The following MUC4 variants were observed in gnomAD, a reference collection of about 807,000 sequenced individuals.
MUC4 encodes the protein mucin-4.
In MUC4, 202 loss-of-function variants were observed where a neutral mutation model predicts 257.9. That is an observed-to-expected ratio of 0.78 (90% CI 0.70 to 0.88). The LOEUF is 0.88. Among genes scored for constraint, MUC4 ranks in the 40% least tolerant of loss-of-function variants. The pLI, the probability that MUC4 is intolerant of heterozygous loss-of-function variation, is 0.00. For missense variants in MUC4, 5,976 were observed against 6,513.7 expected (o/e 0.92, Z 2.84); for synonymous variants, 2,351 against 2,757.1 (o/e 0.85, Z 4.62).
chr3:195,763,956 C>T, intron 11 of MUC4, 89 bp downstream of exon 11: 1 of 1,475,214 alleles, frequency 6.8e-7, no homozygotes, highest in Non-Finnish European at 9.0e-7. Flanking sequence ...ACAGCTCTGC[C>T]CCTACTCCTT....
At chr3:195,766,559 G>T in intron 8 of MUC4, 104 bp downstream of exon 8, 1 of 1,005,186 alleles carries the variant, frequency 9.9e-7, no homozygotes, top group Non-Finnish European at 1.5e-6. Context: ...CTTCAGGATG[G>T]CCGTGATGTT....
At chr3:195,770,980 C>A (rs1410686285) in intron 5 of MUC4, 8 of 408,724 alleles carry the variant, frequency 2.0e-5, no homozygotes, top group Non-Finnish European at 4.0e-5. Flanking sequence ...TGGTCAGTCT[C>A]GCGGCCGGGT....
rs567011116 is a variant in MUC4, at chr3:195,764,977, G to A, written c.13924+20C>T. On this transcript the variant is annotated intron_variant, in intron 10 of 24. Transcript: ENST00000463781. ...CCTACTTGGCCGGGAAGGTGGGGTT[G>A]AGATCACGGACTCACGCACCCAACT... The A allele has an allele frequency of 2.4e-5, 38 of 1,611,300 alleles. No homozygotes were observed. The Middle Eastern group carries it at 8.2e-4, about 35-fold the overall frequency.
Position 195,753,037 on chromosome 3 carries a change from G to A in MUC4, c.15508+14C>T. 2 of 1,607,692 alleles carry A rather than the reference G, an allele frequency of 1.2e-6. No homozygotes were observed. The highest frequency in any genetic ancestry group is 1.1e-5 in the South Asian group (1 of 90,618). ...AAGAGTGCGGGGGTGAGAGGGCGGG[G>A]TCTCTGGCGGTACCTAGGTTGACAG... On this transcript the variant is annotated intron_variant, in intron 20 of 24. Coordinates refer to ENST00000463781, the MANE Select transcript of MUC4 (RefSeq NM_018406.7).
At chr3:195,803,449 G>A (rs1735601353) in intron 1 of MUC4, among the ~76,000 whole-genome samples, 1 of 152,244 alleles carries the variant, frequency 6.6e-6, no homozygotes, top group African/African-American at 2.4e-5. Context: ...TAAACTCTCT[G>A]CAAGCAGCGA....
intron 8 of MUC4, among the ~76,000 whole-genome samples, chr3:195,765,774 G>A (rs996903410): frequency 3.9e-5 from 6 of 152,208 alleles, no homozygotes; most frequent in Non-Finnish European, 7.3e-5. Flanking sequence ...GGGGCCTCTG[G>A]ACTGAGTCAT....
At chr3:195,775,079 G>C (rs1203267496) in intron 3 of MUC4, among the ~76,000 whole-genome samples, 1 of 151,936 alleles carries the variant, frequency 6.6e-6, no homozygotes, top group African/African-American at 2.4e-5. Flanking sequence ...GAGAAACCTT[G>C]TCCCAAATAT....
At chr3:195,762,734 C>T (rs1231395237) in intron 13 of MUC4, 121 bp downstream of exon 13, 1 of 919,310 alleles carries the variant, frequency 1.1e-6, no homozygotes, top group Non-Finnish European at 1.5e-6. Flanking sequence ...GCGCCCGGCC[C>T]TGCACCACAA....
At chr3:195,801,740 A>G (rs973711478) in intron 1 of MUC4, among the ~76,000 whole-genome samples, 6 of 152,104 alleles carry the variant, frequency 3.9e-5, no homozygotes, top group African/African-American at 7.2e-5. Context: ...GATTTTCTCC[A>G]GTCCTCACGC....
In MUC4 at chr3:195,769,573, C is replaced by T. The variant is rs531234973; in HGVS notation, c.13399-421G>A. 6.7e-4 allele frequency: 121 copies of T among 180,178 alleles called. 1 individual carries two copies. The highest frequency in any genetic ancestry group is 2.7e-3 in the African/African-American group (118 of 42,930). 11.2% of individuals were successfully genotyped at this position (180,178 alleles called of 1,614,324 possible). A position where few individuals can be genotyped will look rare whatever the true frequency, so the allele number is the denominator to read the frequency against. ...CTCCATCTAAACAGCATGGATGACA[C>T]TGGGGTTCACTGAAGGCGCACACGT... On this transcript the variant is annotated intron_variant, in intron 6 of 24. Transcript: ENST00000463781.
chr3:195,761,803 C>CG (rs946767097), intron 14 of MUC4, among the ~76,000 whole-genome samples: 5 of 152,036 alleles, frequency 3.3e-5, no homozygotes, highest in African/African-American at 1.2e-4. Context: ...TGGAGGAGGG[C>CG]GGGAGGATGT....
At position 195,780,487 on chromosome 3, in the gene MUC4, G is replaced by C. The variant is rs1204858271; in HGVS notation, c.11093C>G (p.Pro3698Arg). ...GGATGATGAGGAAGGGATGGTGACA[G>C]GAAGAGGGGTGGCCTGACCTGTGGA... ...SASTGQATPL[P>R]VTIPSSSSSG... is the part of the protein sequence containing the mutation. The change falls in exon 2 of 25, where the codon CCT (proline) becomes CGT (arginine). Residue 3698 changes from proline (P) to arginine (R), a missense_variant. Around this residue, in one of 44 missense-constraint regions of MUC4, gnomAD observed 330 missense variants for 262.0 expected, o/e 1.26. Coordinates refer to ENST00000463781, the MANE Select transcript of MUC4 (RefSeq NM_018406.7). 2.8e-6 allele frequency: 4 copies of C among 1,430,832 alleles called. No individual in the cohort carries two copies. Among genetic ancestry groups the C allele is most frequent in the Non-Finnish European group, 2.8e-6 (3 of 1,086,382 alleles). 88.6% of individuals were successfully genotyped at this position (1,430,832 alleles called of 1,614,324 possible).
At position 195,784,927 on chromosome 3, in the gene MUC4, G is replaced by T. The variant is rs773538845; in HGVS notation, c.6653C>A (p.Ser2218Tyr). The T allele has an allele frequency of 7.0e-7, 1 of 1,435,546 alleles. No homozygotes were observed. Among genetic ancestry groups the T allele is most frequent in the Non-Finnish European group, 9.5e-7 (1 of 1,053,714 alleles). The allele number at this position is 1,435,546 out of a possible 1,614,324, so 88.9% of individuals were successfully genotyped here. ...AAGAAGAGGGATGGCGTGACCTGTGGATGCTGAGGAAGGGCTGGTGACAGG... is the reference window on the plus strand; with the variant it reads ...AAGAAGAGGGATGGCGTGACCTGTGTATGCTGAGGAAGGGCTGGTGACAGG... The part of the protein sequence containing the change: ...PLPVTSPSSA[S>Y]TGHAIPLLVT... Residue 2218 changes from serine to tyrosine, a missense_variant, in exon 2 of 25, where the codon TCC becomes TAC. Physicochemically the swap from Ser to Tyr is moderately radical, Grantham distance 144. This residue lies in a region of MUC4 where 85 missense variants were observed against 325.0 expected (regional missense o/e 0.26). Coordinates refer to ENST00000463781, the MANE Select transcript of MUC4 (RefSeq NM_018406.7).
Position 195,751,086 on chromosome 3 carries a change from C to T in MUC4, c.15674G>A (p.Ser5225Asn). 1.3e-6 allele frequency: 2 copies of T among 1,563,974 alleles called. No homozygotes were observed. Among genetic ancestry groups the T allele is most frequent in the Non-Finnish European group, 1.7e-6 (2 of 1,152,386 alleles). The change falls in exon 23 of 25, where the codon AGC (serine) becomes AAC (asparagine). Residue 5225 changes from serine to asparagine, a missense_variant. Transcript: ENST00000463781. ...GATGACCATCCAGTGTTGGATGGGGCTTCCCGAGGCCGGTGCTGCAGAATC... is the reference window on the plus strand; with the variant it reads ...GATGACCATCCAGTGTTGGATGGGGTTTCCCGAGGCCGGTGCTGCAGAATC... ...RIDSAAPASG[S>N]PIQHWMVISE...
chr3:195,759,918 A>AACACACACACACACACGCACGCATGC (rs11283958), intron 16 of MUC4, among the ~76,000 whole-genome samples: 1 of 149,738 alleles, frequency 6.7e-6, no homozygotes, highest in Non-Finnish European at 1.5e-5. Flanking sequence ...AAACTCCGTC[A>AACACACACACACACACGCACGCATGC]ACACACACAC....
chr3:195,783,121 G>C lies in MUC4; in HGVS notation c.8459C>G (p.Thr2820Ser), dbSNP rs1355212705. The C allele has an allele frequency of 6.0e-5, 78 of 1,289,324 alleles. 2 individuals carry two copies. Among genetic ancestry groups the C allele is most frequent in the South Asian group, 8.9e-5 (6 of 67,576 alleles). 79.9% of individuals were successfully genotyped at this position (1,289,324 alleles called of 1,614,324 possible). Residue 2820 changes from threonine to serine, a missense_variant, in exon 2 of 25, where the codon ACC becomes AGC. Transcript: ENST00000463781. ...ACCTGTGAACACTGAGGAAGCGTCG[G>C]TGACAGGAAGAGAGGTGGCGTGACC... is the stretch of plus-strand genomic sequence containing the variant. ...STGHATSLPVTDASSVFTGHA... is the reference protein window; with the variant it reads ...STGHATSLPVSDASSVFTGHA...
rs764247629 is a variant in MUC4 at position 195,747,156 on chromosome 3, C to T, written c.*20G>A. 1 of 1,614,148 alleles carries T rather than the reference C, an allele frequency of 6.2e-7. No homozygotes were observed. Among genetic ancestry groups the T allele is most frequent in the East Asian group, 2.2e-5 (1 of 44,894 alleles). ...AAGGATGAGGTGAGTCTTGAGGTAG[C>T]CTAGGCCACAGCTGCCCCTTCAAGG... On this transcript the variant is annotated 3_prime_UTR_variant, in exon 25 of 25. Coordinates refer to ENST00000463781, the MANE Select transcript of MUC4 (RefSeq NM_018406.7).
At chr3:195,748,634 G>A (rs1715661544) in intron 24 of MUC4, among the ~76,000 whole-genome samples, 3 of 152,396 alleles carry the variant, frequency 2.0e-5, no homozygotes, top group African/African-American at 7.2e-5. Context: ...GCGTCCTGGG[G>A]CAGGTTCCTT....
In MUC4 at chr3:195,776,878, A is replaced by G. The variant is rs1196198218; in HGVS notation, c.12943+1425T>C. ...TACCTTCCACACCCATACCTTCCACACCCATACCTTCCACACCCTTACCTT... is the reference window on the plus strand; with the variant it reads ...TACCTTCCACACCCATACCTTCCACGCCCATACCTTCCACACCCTTACCTT... On this transcript the variant is annotated intron_variant, in intron 3 of 24. Transcript: ENST00000463781. Among the ~76,000 whole-genome samples the G allele has an allele frequency of 3.4e-4, 6 of 17,572 alleles. 1 individual carries two copies. Among genetic ancestry groups the G allele is most frequent in the African/African-American group, 8.9e-4 (5 of 5,634 alleles). The allele number at this position is 17,572 out of a possible 152,430, so 11.5% of individuals were successfully genotyped here. A position where few individuals can be genotyped will look rare whatever the true frequency, so the allele number is the denominator to read the frequency against.
Sources: gnomAD v4.1 joint callset for allele counts (sites outside exome capture counted in the v4.1 genomes callset) on GRCh38, gnomAD v4.1.1 for gene constraint, gnomAD v4.1.1 regional missense constraint, MANE v1.5 for transcripts, NCBI Gene and HGNC (gene_info 2026-07-23, HGNC 2026-07-21) for gene names.